The following KSR2 variants were observed in gnomAD, a reference collection of about 807,000 sequenced individuals.
KSR2 encodes the protein kinase suppressor of ras 2.
In KSR2, 25 loss-of-function variants were observed where a neutral mutation model predicts 107.8. The ratio of observed to expected loss-of-function variants is 0.23; its 90% confidence interval spans 0.17 to 0.32. The LOEUF (loss-of-function observed/expected upper bound fraction) is 0.32, where lower values mean the gene tolerates loss of function less well. KSR2 is among the 10% of genes least tolerant of loss of function. The pLI is 1.00. For missense variants in KSR2, 887 were observed against 1,268.9 expected, an observed-to-expected ratio of 0.70 and a Z score of 4.57; for synonymous variants, 480 against 507.0, an observed-to-expected ratio of 0.95 and a Z score of 0.71.
At chr12:117,511,319 C>A (rs2137198778) in intron 14 of KSR2, among the ~76,000 whole-genome samples, 1 of 152,344 alleles carries the variant, frequency 6.6e-6, no homozygotes, top group East Asian at 1.9e-4. Flanking sequence ...AAAATTCTTA[C>A]AAATTTTACT....
chr12:117,692,633 TA>T (rs1424353126), intron 4 of KSR2, among the ~76,000 whole-genome samples: 1 of 151,542 alleles, frequency 6.6e-6, no homozygotes, highest in Non-Finnish European at 1.5e-5. Context: ...TCACAGTAGC[TA>T]AAATATGGAA....
intron 1 of KSR2, among the ~76,000 whole-genome samples, chr12:117,886,439 CT>C (rs1894180857): frequency 6.6e-6 from 1 of 151,930 alleles, no homozygotes; most frequent in Admixed American, 6.6e-5. Context: ...TTTCCCATGC[CT>C]TTGCTATGTT....
At chr12:117,773,281 T>G (rs1889572221) in intron 3 of KSR2, among the ~76,000 whole-genome samples, 1 of 152,084 alleles carries the variant, frequency 6.6e-6, no homozygotes, top group African/African-American at 2.4e-5. Context: ...TTGAAATGGG[T>G]GGGGAGAAGG....
chr12:117,879,931 G>A (rs949601949), intron 1 of KSR2, among the ~76,000 whole-genome samples: 1 of 152,178 alleles, frequency 6.6e-6, no homozygotes, highest in Non-Finnish European at 1.5e-5. Flanking sequence ...CAGATCACCT[G>A]AAGTCAGGAG....
intron 3 of KSR2, among the ~76,000 whole-genome samples, chr12:117,843,004 G>A (rs1236408373): frequency 4.6e-5 from 7 of 152,180 alleles, no homozygotes; most frequent in Non-Finnish European, 1.0e-4. Flanking sequence ...GAGGAGGAAG[G>A]AGGGAGGGAA....
intron 5 of KSR2, among the ~76,000 whole-genome samples, chr12:117,605,815 C>T (rs1881198402): frequency 6.6e-6 from 1 of 152,152 alleles, no homozygotes; most frequent in Non-Finnish European, 1.5e-5. Context: ...GAGATCATGA[C>T]CTTTGCAGGG....
intron 3 of KSR2, among the ~76,000 whole-genome samples, chr12:117,767,998 G>A (rs1889306658): frequency 1.3e-5 from 2 of 152,068 alleles, no homozygotes. Context: ...ATCAAACTTG[G>A]TGAGGAGTGT....
chr12:117,511,227 G>A (rs1015914389), intron 14 of KSR2, among the ~76,000 whole-genome samples: 2 of 152,186 alleles, frequency 1.3e-5, no homozygotes, highest in African/African-American at 4.8e-5. Context: ...TGATCCACAA[G>A]GCCAGGCACT....
At chr12:117,555,596 G>A (rs933671094) in intron 8 of KSR2, among the ~76,000 whole-genome samples, 1 of 152,158 alleles carries the variant, frequency 6.6e-6, no homozygotes, top group Admixed American at 6.5e-5. Context: ...TTAAATACAC[G>A]AGGTTCCTGA....
intron 9 of KSR2, among the ~76,000 whole-genome samples, chr12:117,552,378 G>A (rs534483987): frequency 2.0e-4 from 30 of 152,312 alleles, no homozygotes; most frequent in South Asian, 1.7e-3. Flanking sequence ...GTTGAGGTCC[G>A]TGTTTCTTCC....
At chr12:117,920,843 C>A (rs558415414) in intron 1 of KSR2, among the ~76,000 whole-genome samples, 1 of 152,106 alleles carries the variant, frequency 6.6e-6, no homozygotes, top group African/African-American at 2.4e-5. Context: ...GAATTTGGCA[C>A]CCACCTGGCT....
chr12:117,731,397 G>A (rs1166272042), intron 4 of KSR2, among the ~76,000 whole-genome samples: 4 of 141,184 alleles, frequency 2.8e-5, no homozygotes, highest in African/African-American at 5.5e-5. Flanking sequence ...CCCAGCAGCC[G>A]CCCCGTCCGG....
At chr12:117,636,902 T>C (rs1883112499) in intron 5 of KSR2, among the ~76,000 whole-genome samples, 1 of 151,936 alleles carries the variant, frequency 6.6e-6, no homozygotes, top group South Asian at 2.1e-4. Flanking sequence ...TTGCCACATA[T>C]ATACCAAAGC....
chr12:117,645,160 T>A (rs774250238), intron 5 of KSR2, among the ~76,000 whole-genome samples: 4 of 152,162 alleles, frequency 2.6e-5, no homozygotes, highest in Non-Finnish European at 4.4e-5. Context: ...AAGGCTACTA[T>A]GAAGAGGAAG....
chr12:117,798,995 G>A lies in KSR2; in HGVS notation c.473-37471C>T, dbSNP rs922336345. ...AAAGAAGCCAGACACAAAAGGCCAC[G>A]CAGTGTAGAAGTCCCCTTATCTGAA... On this transcript the variant is annotated intron_variant, in intron 3 of 19. Coordinates refer to ENST00000339824, the MANE Select transcript of KSR2 (RefSeq NM_173598.6). Among the ~76,000 whole-genome samples the A allele has an allele frequency of 7.2e-5, 11 of 152,252 alleles. No homozygotes were observed. The South Asian group carries it at 1.0e-3, about 14-fold the overall frequency.
At chr12:117,479,514 T>C (rs1668065481) in intron 16 of KSR2, among the ~76,000 whole-genome samples, 1 of 152,200 alleles carries the variant, frequency 6.6e-6, no homozygotes, top group Admixed American at 6.5e-5. Context: ...GCAGCATCCC[T>C]GGCCTCTACT....
intron 2 of KSR2, among the ~76,000 whole-genome samples, chr12:117,858,182 A>T (rs939017573): frequency 6.6e-6 from 1 of 152,216 alleles, no homozygotes; most frequent in African/African-American, 2.4e-5. Flanking sequence ...ATGTCTGCAT[A>T]TCAGAACCAG....
At position 117,872,467 on chromosome 12, in the gene KSR2, G is replaced by C. The variant is rs148834464; in HGVS notation, c.181-12036C>G. On this transcript the variant is annotated intron_variant, in intron 1 of 19. Coordinates refer to ENST00000339824, the MANE Select transcript of KSR2 (RefSeq NM_173598.6). Reference sequence around the variant, plus strand: ...TAGTCCCAGCTACTGGGGAGGTTGAGGCAAGAGGATCCCTTGAGCCCAGGA... The same window carrying C: ...TAGTCCCAGCTACTGGGGAGGTTGACGCAAGAGGATCCCTTGAGCCCAGGA... Among the ~76,000 whole-genome samples the C allele has an allele frequency of 1.7e-3, 262 of 152,220 alleles. 1 individual carries two copies. Among genetic ancestry groups the C allele is most frequent in the African/African-American group, 6.1e-3 (253 of 41,540 alleles).
chr12:117,495,423 A>C (rs1872967543), intron 14 of KSR2, among the ~76,000 whole-genome samples: 1 of 152,242 alleles, frequency 6.6e-6, no homozygotes, highest in Non-Finnish European at 1.5e-5. Context: ...GCCAGAAAGC[A>C]AGTGAGAAAT....
Sources: allele counts gnomAD v4.1 joint callset (sites outside exome capture counted in the v4.1 genomes callset), GRCh38; gene constraint gnomAD v4.1.1; transcripts MANE v1.5; gene names NCBI Gene and HGNC (gene_info 2026-07-23, HGNC 2026-07-21).